RGS6: variants seen among roughly 807,000 people sequenced by gnomAD.
RGS6 encodes the protein regulator of G-protein signaling 6.
RGS6 carries 30 observed loss-of-function variants against 78.5 expected under a neutral mutation model. The observed-to-expected ratio is 0.38, with a 90% CI of 0.29 to 0.52. The LOEUF (loss-of-function observed/expected upper bound fraction) is 0.52, where lower values mean the gene tolerates loss of function less well. Among genes scored for constraint, RGS6 ranks in the 20% least tolerant of loss-of-function variants. RGS6 has a pLI of 0.85. For missense variants in RGS6, 495 were observed against 609.7 expected (o/e 0.81, Z 1.98); for synonymous variants, 206 against 206.0 (o/e 1.00, Z 0.00).
chr14:72,265,425 G>T (rs2058871788), intron 2 of RGS6, among the ~76,000 whole-genome samples: 1 of 152,184 alleles, frequency 6.6e-6, no homozygotes, highest in Non-Finnish European at 1.5e-5. Context: ...CCAGGTACTG[G>T]TCAGTGCCCT....
At chr14:72,396,732 G>A (rs1459056171) in intron 3 of RGS6, among the ~76,000 whole-genome samples, 4 of 151,984 alleles carry the variant, frequency 2.6e-5, no homozygotes, top group African/African-American at 7.3e-5. Context: ...TAAGGTGTAA[G>A]GAAGGGATCC....
chr14:71,887,445 G>A, the RGS6 span, among the ~76,000 whole-genome samples: 4 of 152,282 alleles, frequency 2.6e-5, no homozygotes, highest in Non-Finnish European at 5.9e-5. Context: ...ATAAGTGGAC[G>A]TGCAAGTAGG....
chr14:72,423,703 A>C (rs906798898), intron 3 of RGS6, among the ~76,000 whole-genome samples: 2 of 152,176 alleles, frequency 1.3e-5, no homozygotes, highest in African/African-American at 2.4e-5. Flanking sequence ...CGAGGGGTGA[A>C]AAACAACCAG....
At chr14:71,976,245 A>G (rs1159851049) in intron 2 of RGS6, among the ~76,000 whole-genome samples, 4 of 136,438 alleles carry the variant, frequency 2.9e-5, no homozygotes, top group South Asian at 2.4e-4. Context: ...TCTTCTGTTT[A>G]TTTATTTTAT....
At chr14:72,555,439 G>T (rs140556857) in intron 17 of RGS6, among the ~76,000 whole-genome samples, 39 of 152,214 alleles carry the variant, frequency 2.6e-4, no homozygotes, top group Admixed American at 1.2e-3. Context: ...AAGCCGCTTC[G>T]CAGCATAGAA....
intron 2 of RGS6, among the ~76,000 whole-genome samples, chr14:72,095,320 C>G (rs1013065245): frequency 6.6e-6 from 1 of 152,072 alleles, no homozygotes; most frequent in Non-Finnish European, 1.5e-5. Flanking sequence ...CACAGATTGG[C>G]AATACTGTCA....
chr14:71,939,108 A>G (rs960102139), intron 1 of RGS6, among the ~76,000 whole-genome samples: 6 of 152,162 alleles, frequency 3.9e-5, no homozygotes, highest in African/African-American at 1.2e-4. Flanking sequence ...CTTTCGGGTC[A>G]CTCAATAAAT....
At chr14:72,318,373 C>T (rs763826077) in intron 2 of RGS6, among the ~76,000 whole-genome samples, 1 of 152,142 alleles carries the variant, frequency 6.6e-6, no homozygotes, top group African/African-American at 2.4e-5. Context: ...GTCTGCCTTT[C>T]CCAGCTCACT....
chr14:72,402,673 C>T (rs1384813925), intron 3 of RGS6, among the ~76,000 whole-genome samples: 1 of 151,944 alleles, frequency 6.6e-6, no homozygotes, highest in Admixed American at 6.5e-5. Flanking sequence ...TTAGTACAGC[C>T]ACTATGGAGA....
the RGS6 span, among the ~76,000 whole-genome samples, chr14:71,877,143 AT>A: frequency 6.6e-6 from 1 of 152,110 alleles, no homozygotes; most frequent in Non-Finnish European, 1.5e-5. Context: ...GAATCTGACA[AT>A]TATGTGTCTT....
the RGS6 span, among the ~76,000 whole-genome samples, chr14:72,580,307 TC>T: frequency 2.1e-4 from 27 of 127,566 alleles, 1 homozygote; most frequent in African/African-American, 6.9e-4. Flanking sequence ...AGCAAAAATG[TC>T]CCCCCCACCC....
chr14:72,152,765 TA>T (rs747029619), intron 2 of RGS6, among the ~76,000 whole-genome samples: 3 of 152,174 alleles, frequency 2.0e-5, no homozygotes, highest in Non-Finnish European at 4.4e-5. Context: ...ACTAGAGCTA[TA>T]AAATGTCCTG....
At chr14:72,620,938 C>T in the RGS6 span, among the ~76,000 whole-genome samples, 3 of 152,146 alleles carry the variant, frequency 2.0e-5, no homozygotes, top group Admixed American at 6.5e-5. Flanking sequence ...GTCTGGAGTT[C>T]GAGACCAGCT....
chr14:72,607,391 T>C, the RGS6 span, among the ~76,000 whole-genome samples: 2 of 152,198 alleles, frequency 1.3e-5, no homozygotes, highest in African/African-American at 4.8e-5. Context: ...CAACTTCACA[T>C]GGTGAAGGGG....
intron 2 of RGS6, among the ~76,000 whole-genome samples, chr14:71,984,134 A>G (rs2094580007): frequency 6.6e-6 from 1 of 152,120 alleles, no homozygotes; most frequent in South Asian, 2.1e-4. Flanking sequence ...CCATTTAATC[A>G]TCAGAATAGC....
At chr14:72,106,542 C>T (rs1032807724) in intron 2 of RGS6, among the ~76,000 whole-genome samples, 1 of 152,186 alleles carries the variant, frequency 6.6e-6, no homozygotes, top group Non-Finnish European at 1.5e-5. Flanking sequence ...CTCCATGTGT[C>T]CCTTCCCAGC....
the RGS6 span, among the ~76,000 whole-genome samples, chr14:71,915,357 T>G: frequency 3.9e-5 from 6 of 152,298 alleles, no homozygotes; most frequent in South Asian, 1.0e-3. Flanking sequence ...GCCCCACCCT[T>G]TCCATTATCC....
chr14:72,313,132 C>T (rs2069078552), intron 2 of RGS6, among the ~76,000 whole-genome samples: 1 of 152,174 alleles, frequency 6.6e-6, no homozygotes, highest in Non-Finnish European at 1.5e-5. Flanking sequence ...GTCTCAACAT[C>T]TTCAGTTGGG....
intron 2 of RGS6, among the ~76,000 whole-genome samples, chr14:72,208,120 T>C (rs2043129723): frequency 6.6e-6 from 1 of 152,164 alleles, no homozygotes. Flanking sequence ...CTGTGATGGG[T>C]TCAGAAGAGA....
Sources: gnomAD v4.1 joint callset for allele counts (sites outside exome capture counted in the v4.1 genomes callset) on GRCh38, gnomAD v4.1.1 for gene constraint, MANE v1.5 for transcripts, NCBI Gene and HGNC (gene_info 2026-07-23, HGNC 2026-07-21) for gene names.